Variants in ALOXE3 observed in about 807,000 individuals in gnomAD.
ALOXE3 encodes hydroperoxide isomerase ALOXE3.
ALOXE3 carries 78 observed loss-of-function variants against 87.5 expected under a neutral mutation model. That is an observed-to-expected ratio of 0.89 (90% CI 0.74 to 1.08). The LOEUF (loss-of-function observed/expected upper bound fraction) is 1.08, where lower values mean the gene tolerates loss of function less well. Among genes scored for constraint, ALOXE3 ranks in the 50% least tolerant of loss-of-function variants. The pLI is 0.00. For synonymous variants in ALOXE3, 363 were observed against 370.8 expected (o/e 0.98, Z 0.24); for missense variants, 946 against 912.4 (o/e 1.04, Z -0.47).
chr17:8,115,808 G>A (rs994947864), intron 3 of ALOXE3, 120 bp from the exon 4 acceptor site: 30 of 947,616 alleles, frequency 3.2e-5, no homozygotes, highest in Non-Finnish European at 4.8e-5. Flanking sequence ...TGTGAAACAC[G>A]TGGCGGTGCC....
At chr17:8,111,755 T>G (rs921505258) in intron 7 of ALOXE3, among the ~76,000 whole-genome samples, 5 of 152,228 alleles carry the variant, frequency 3.3e-5, no homozygotes, top group Admixed American at 6.5e-5. Flanking sequence ...TAAGCCTTTC[T>G]GGACCCAAAG....
rs1336775734 is a variant in ALOXE3, at chr17:8,118,434, TC to T, written c.-314+51del. ...GTGCTTGTCCGCCCACTCCCCAATG[TC>T]CCCCAAGATCTGTTCCTCCCCATTC... On this transcript the variant is annotated intron_variant, in intron 1 of 15. Coordinates refer to ENST00000448843, the MANE Select transcript of ALOXE3 (RefSeq NM_021628.3). 3 of 1,550,334 alleles carry T rather than the reference TC, an allele frequency of 1.9e-6. No homozygotes were observed. The South Asian group carries it at 3.6e-5, about 18-fold the overall frequency.
intron 2 of ALOXE3, 27 bp downstream of exon 2, chr17:8,117,817 G>T: frequency 6.2e-7 from 1 of 1,605,858 alleles, no homozygotes; most frequent in Middle Eastern, 2.2e-4. Context: ...CTCTGAGGTC[G>T]CGCTTCCCTG....
chr17:8,111,472 C>G lies in ALOXE3; in HGVS notation c.844G>C (p.Val282Leu). Residue 282 changes from valine to leucine, a missense_variant, in exon 8 of 16, where the codon GTC becomes CTC. Val to Leu is a conservative substitution (Grantham distance 32). Coordinates refer to ENST00000448843, the MANE Select transcript of ALOXE3 (RefSeq NM_021628.3). ...HFFGYQYLNGVNPVMLHCISS... is the reference protein window; with the variant it reads ...HFFGYQYLNGLNPVMLHCISS... The stretch of plus-strand genomic sequence containing the variant: ...ATGCAGTGGAGCATGACGGGATTGA[C>G]ACCATTCAGGTACTGGTACCCAAAG... 1.2e-6 allele frequency: 2 copies of G among 1,614,200 alleles called. No homozygotes were observed. The highest frequency in any genetic ancestry group is 1.7e-6 in the Non-Finnish European group (2 of 1,180,046).
chr17:8,111,683 C>T, intron 7 of ALOXE3, 152 bp from the exon 8 acceptor site: 1 of 785,440 alleles, frequency 1.3e-6, no homozygotes, highest in Non-Finnish European at 2.1e-6. Context: ...ATACTAGACA[C>T]TAAGGGTCAG....
chr17:8,104,988 C>T (rs1465826855), intron 13 of ALOXE3, among the ~76,000 whole-genome samples: 1 of 152,120 alleles, frequency 6.6e-6, no homozygotes, highest in African/African-American at 2.4e-5. Flanking sequence ...CGTCTGAGCT[C>T]CAGACTCAGC....
chr17:8,096,123 G>A lies in ALOXE3; in HGVS notation c.*504C>T, dbSNP rs1372999537. 1.2e-5 allele frequency: 2 copies of A among 164,086 alleles called. No homozygotes were observed. Among genetic ancestry groups the A allele is most frequent in the Non-Finnish European group, 1.3e-5 (1 of 74,572 alleles). 10.2% of individuals were successfully genotyped at this position (164,086 alleles called of 1,614,324 possible). On this transcript the variant is annotated 3_prime_UTR_variant, in exon 16 of 16. Coordinates refer to ENST00000448843, the MANE Select transcript of ALOXE3 (RefSeq NM_021628.3). ...TTCCCCTCCCCTTAAAGGTGCTAGGGACAAAGGGGACCACATGTTAGACCC... is the reference window on the plus strand; with the variant it reads ...TTCCCCTCCCCTTAAAGGTGCTAGGAACAAAGGGGACCACATGTTAGACCC...
intron 6 of ALOXE3, among the ~76,000 whole-genome samples, chr17:8,114,191 C>G (rs1300911725): frequency 6.6e-6 from 1 of 151,714 alleles, no homozygotes; most frequent in African/African-American, 2.4e-5. Flanking sequence ...CCAATTAACA[C>G]CCAGTGGGTG....
Position 8,110,312 on chromosome 17 carries a change from C to G in ALOXE3, c.1102-17G>C, listed in dbSNP as rs1979944888. 6.2e-7 allele frequency: 1 copy of G among 1,612,962 alleles called. No individual in the cohort carries two copies. Among genetic ancestry groups the G allele is most frequent in the Non-Finnish European group, 8.5e-7 (1 of 1,179,202 alleles). On this transcript the variant is annotated splice_polypyrimidine_tract_variant and intron_variant, in intron 9 of 15. Coordinates refer to ENST00000448843, the MANE Select transcript of ALOXE3 (RefSeq NM_021628.3). ...CTGGCTGAGCTGCGTCCGAAAGGAA[C>G]GAGGGATGATGGGGCTCCGGGCTGG...
At chr17:8,099,049 A>C (rs1024595534) in intron 15 of ALOXE3, among the ~76,000 whole-genome samples, 1 of 145,482 alleles carries the variant, frequency 6.9e-6, no homozygotes, top group Non-Finnish European at 1.5e-5. Flanking sequence ...TGGAGAGACA[A>C]GGTCTCACTA....
chr17:8,108,693 T>TG, intron 12 of ALOXE3, 104 bp from the exon 13 acceptor site: 2 of 1,533,518 alleles, frequency 1.3e-6, no homozygotes, highest in Admixed American at 3.5e-5. Flanking sequence ...CAGATAGCCA[T>TG]GGGGGTTCAG....
chr17:8,109,778 G>A (rs573383029), intron 11 of ALOXE3, 138 bp downstream of exon 11: 9,291 of 862,854 alleles, frequency 0.011, 71 homozygotes, highest in Middle Eastern at 0.019. Flanking sequence ...GCTGGTGGAA[G>A]AGGCAGTGAT....
intron 5 of ALOXE3, 95 bp from the exon 6 acceptor site, chr17:8,114,704 T>C (rs1326373100): frequency 1.9e-6 from 3 of 1,574,982 alleles, no homozygotes; most frequent in Admixed American, 3.4e-5. Context: ...TCCAAGTCCC[T>C]GGGTCTCTCT....
upstream of ALOXE3, chr17:8,118,589 C>T: frequency 6.5e-7 from 1 of 1,529,110 alleles, no homozygotes; most frequent in Admixed American, 2.0e-5. Context: ...GTGAGTCGCA[C>T]ACGCATTCCA....
At chr17:8,116,005 G>A (rs1353122953) in intron 3 of ALOXE3, among the ~76,000 whole-genome samples, 2 of 152,228 alleles carry the variant, frequency 1.3e-5, no homozygotes, top group African/African-American at 4.8e-5. Context: ...CTAGCATGGT[G>A]CCTGGCACCA....
At chr17:8,118,563 C>A, upstream of ALOXE3, 1 of 1,527,342 alleles carries the variant, frequency 6.5e-7, no homozygotes. Flanking sequence ...TCACACGTGA[C>A]TGCAGCCACA....
chr17:8,104,033 C>T lies in ALOXE3; in HGVS notation c.1785+82G>A, dbSNP rs78620413. On this transcript the variant is annotated intron_variant, in intron 14 of 15. Coordinates refer to ENST00000448843, the MANE Select transcript of ALOXE3 (RefSeq NM_021628.3). ...TCATAAACCCACCCCAACGCTGACC[C>T]ACCCAAGCTCTCAACCCAAATTCAG... 2,626 of 1,256,184 alleles carry T rather than the reference C, an allele frequency of 2.1e-3. 55 individuals are homozygous for T. In the African/African-American group the frequency reaches 0.035, roughly 17 times the overall value. The allele number at this position is 1,256,184 out of a possible 1,614,324, so 77.8% of individuals were successfully genotyped here. A position where few individuals can be genotyped will look rare whatever the true frequency, so the allele number is the denominator to read the frequency against.
chr17:8,103,612 T>A, intron 14 of ALOXE3, 119 bp from the exon 15 acceptor site: 2 of 1,144,078 alleles, frequency 1.7e-6, no homozygotes, highest in Non-Finnish European at 2.6e-6. Context: ...AATGAGGGGA[T>A]CACGGAAAGG....
rs1197131186 is a variant in ALOXE3, at chr17:8,107,987, AAAGAAAGGAAG to A, written c.1684+470_1684+480del. ...GAAGGAGAGAGAGAGAGAGAGAAAGAAAGAAAGGAAGGAAAGAAAGAAAGAAAGAAAGAAAG... is the reference window on the plus strand; with the variant it reads ...GAAGGAGAGAGAGAGAGAGAGAAAGAGAAAGAAAGAAAGAAAGAAAGAAAG... On this transcript the variant is annotated intron_variant, in intron 13 of 15. Transcript: ENST00000448843. Among the ~76,000 whole-genome samples, 3 of 22,732 alleles carry A rather than the reference AAAGAAAGGAAG, an allele frequency of 1.3e-4. 1 individual carries two copies. Among genetic ancestry groups the A allele is most frequent in the East Asian group, 3.6e-4 (1 of 2,794 alleles). 14.9% of individuals were successfully genotyped at this position (22,732 alleles called of 152,430 possible). A position where few individuals can be genotyped will look rare whatever the true frequency, so the allele number is the denominator to read the frequency against.
Sources: gnomAD v4.1 joint callset for allele counts (sites outside exome capture counted in the v4.1 genomes callset) on GRCh38, gnomAD v4.1.1 for gene constraint, MANE v1.5 for transcripts, NCBI Gene and HGNC (gene_info 2026-07-23, HGNC 2026-07-21) for gene names.